EXOC2: variants seen among roughly 807,000 people sequenced by gnomAD.
EXOC2 encodes SEC5-like 1.
A neutral mutation model predicts 131.8 loss-of-function variants in EXOC2; 70 were observed. The ratio of observed to expected loss-of-function variants is 0.53; its 90% CI spans 0.44 to 0.65. The LOEUF is 0.65. Among genes scored for constraint, EXOC2 ranks in the 30% least tolerant of loss-of-function variants. The probability of loss-of-function intolerance (pLI) is 0.00; values close to 1 mark genes in which losing one functional copy is unlikely to be tolerated. For missense variants in EXOC2, 923 were observed against 1,108.6 expected (o/e 0.83, Z 2.38); for synonymous variants, 411 against 398.4 (o/e 1.03, Z -0.38).
chr6:508,365 G>A (rs757998676), intron 23 of EXOC2, among the ~76,000 whole-genome samples: 4 of 152,078 alleles, frequency 2.6e-5, no homozygotes, highest in African/African-American at 4.8e-5. Context: ...CATGTTACAG[G>A]TTTGGACAAA....
intron 7 of EXOC2, among the ~76,000 whole-genome samples, chr6:608,240 G>A (rs1458080766): frequency 1.3e-5 from 2 of 152,196 alleles, no homozygotes; most frequent in African/African-American, 2.4e-5. Context: ...GACTCTCTCG[G>A]GGCCAGAGCT....
chr6:557,244 G>C (rs1010629992), intron 17 of EXOC2, among the ~76,000 whole-genome samples: 1 of 152,142 alleles, frequency 6.6e-6, no homozygotes, highest in Non-Finnish European at 1.5e-5. Context: ...CAGAAGACAC[G>C]ATCATGAAAG....
intron 1 of EXOC2, among the ~76,000 whole-genome samples, chr6:646,472 G>A (rs846159): frequency 0.67 from 102,189 of 152,070 alleles, 34,783 homozygotes; most frequent in Middle Eastern, 0.81. Flanking sequence ...AAAGTTTTCT[G>A]TAAGTTTGAA....
intron 7 of EXOC2, among the ~76,000 whole-genome samples, chr6:606,477 T>G (rs1197552687): frequency 1.3e-5 from 2 of 152,098 alleles, no homozygotes; most frequent in East Asian, 3.8e-4. Flanking sequence ...ATCAGAAACA[T>G]TTAAAATTAA....
intron 1 of EXOC2, among the ~76,000 whole-genome samples, chr6:682,818 C>T (rs1424101956): frequency 6.6e-6 from 1 of 152,170 alleles, no homozygotes; most frequent in African/African-American, 2.4e-5. Context: ...GATGGTTGTA[C>T]AACTTTGTGA....
chr6:644,388 C>CGT (rs1432046299), intron 1 of EXOC2, among the ~76,000 whole-genome samples: 1 of 152,132 alleles, frequency 6.6e-6, no homozygotes, highest in Non-Finnish European at 1.5e-5. Flanking sequence ...GGAGGATCAC[C>CGT]TAACATCCTA....
chr6:496,621 A>G (rs1019510386), intron 25 of EXOC2, among the ~76,000 whole-genome samples: 4 of 152,240 alleles, frequency 2.6e-5, no homozygotes, highest in Non-Finnish European at 4.4e-5. Context: ...GTTAAAATCC[A>G]TAAGAAATAA....
At chr6:633,444 G>A (rs1278165229) in intron 2 of EXOC2, among the ~76,000 whole-genome samples, 3 of 152,174 alleles carry the variant, frequency 2.0e-5, no homozygotes, top group African/African-American at 7.2e-5. Flanking sequence ...TAATAAAAGG[G>A]AAACTACTGC....
chr6:682,195 G>GTTTC (rs1244910623), intron 1 of EXOC2, among the ~76,000 whole-genome samples: 4 of 137,474 alleles, frequency 2.9e-5, no homozygotes, highest in Non-Finnish European at 3.1e-5. Flanking sequence ...ATATTTCCCA[G>GTTTC]TTTCTTTTTT....
intron 21 of EXOC2, among the ~76,000 whole-genome samples, chr6:552,629 CA>C (rs11315958): frequency 0.88 from 134,301 of 151,864 alleles, 59,670 homozygotes; most frequent in Middle Eastern, 0.94. Flanking sequence ...TCAACAACAA[CA>C]AAAAAAAACC....
At chr6:494,800 CTG>C (rs1285214339) in intron 25 of EXOC2, among the ~76,000 whole-genome samples, 1 of 152,150 alleles carries the variant, frequency 6.6e-6, no homozygotes, top group Non-Finnish European at 1.5e-5. Context: ...TAGTATTTGA[CTG>C]TATGAATATA....
At chr6:533,998 T>G (rs145127627) in intron 22 of EXOC2, among the ~76,000 whole-genome samples, 7 of 152,258 alleles carry the variant, frequency 4.6e-5, no homozygotes, top group Non-Finnish European at 7.4e-5. Flanking sequence ...AAAACCCTCA[T>G]GACGATTAAA....
At chr6:541,023 C>A (rs1766784554) in intron 22 of EXOC2, among the ~76,000 whole-genome samples, 1 of 152,160 alleles carries the variant, frequency 6.6e-6, no homozygotes, top group African/African-American at 2.4e-5. Flanking sequence ...AATGTGGTAT[C>A]CAAAACGTAA....
chr6:680,241 T>C (rs982333886), intron 1 of EXOC2, among the ~76,000 whole-genome samples: 1 of 152,194 alleles, frequency 6.6e-6, no homozygotes, highest in African/African-American at 2.4e-5. Flanking sequence ...CAAATGACAT[T>C]GCACCCAGCC....
chr6:653,086 A>G (rs1762905913), intron 1 of EXOC2, among the ~76,000 whole-genome samples: 1 of 152,154 alleles, frequency 6.6e-6, no homozygotes, highest in African/African-American at 2.4e-5. Flanking sequence ...AGGGAACTTA[A>G]TTGATAAATG....
rs534787026 is a variant in EXOC2 at position 502,075 on chromosome 6, G to A, written c.2381-2375C>T. On this transcript the variant is annotated intron_variant, in intron 23 of 27. Coordinates refer to ENST00000230449, the MANE Select transcript of EXOC2 (RefSeq NM_018303.6). ...ACCCTCTGGGCAGCCCCACCCAGGG[G>A]CGGAGATCCACATGCTCAGGTCTGG... 2.6e-5 allele frequency among the ~76,000 whole-genome samples: 4 copies of A among 152,252 alleles called. No individual in the cohort carries two copies. The South Asian group carries it at 6.2e-4, about 24-fold the overall frequency.
At chr6:626,973 T>C (rs1254320545) in intron 4 of EXOC2, among the ~76,000 whole-genome samples, 2 of 152,196 alleles carry the variant, frequency 1.3e-5, no homozygotes, top group Non-Finnish European at 2.9e-5. Flanking sequence ...TTTCAAAAAG[T>C]AGGTGCTCTC....
chr6:507,548 A>G (rs1405257757), intron 23 of EXOC2, among the ~76,000 whole-genome samples: 1 of 152,140 alleles, frequency 6.6e-6, no homozygotes, highest in Non-Finnish European at 1.5e-5. Flanking sequence ...CAAAGCTTAC[A>G]TGAGAAAGAG....
chr6:502,759 G>A (rs966443719), intron 23 of EXOC2, among the ~76,000 whole-genome samples: 1 of 152,104 alleles, frequency 6.6e-6, no homozygotes, highest in Non-Finnish European at 1.5e-5. Flanking sequence ...CGTAACCTTG[G>A]ACAAGAAAGA....
Sources: allele counts gnomAD v4.1 joint callset (sites outside exome capture counted in the v4.1 genomes callset), GRCh38; gene constraint gnomAD v4.1.1; transcripts MANE v1.5; gene names NCBI Gene and HGNC (gene_info 2026-07-23, HGNC 2026-07-21).